The following MTMR14 variants were observed in gnomAD, a reference collection of about 807,000 sequenced individuals.
MTMR14 encodes the protein phosphatidylinositol-3,5-bisphosphate 3-phosphatase MTMR14.
MTMR14 carries 48 observed loss-of-function variants against 86.3 expected under a neutral mutation model. That is an observed-to-expected ratio of 0.56 (90% CI 0.44 to 0.71). MTMR14 has a LOEUF of 0.71. MTMR14 is among the 30% of genes least tolerant of loss of function. MTMR14 has a pLI of 0.00. For synonymous variants in MTMR14, 366 were observed against 326.1 expected (o/e 1.12, Z -1.32); for missense variants, 780 against 834.6 (o/e 0.93, Z 0.81).
At chr3:9,666,635 C>T (rs140179330) in intron 3 of MTMR14, among the ~76,000 whole-genome samples, 3 of 152,342 alleles carry the variant, frequency 2.0e-5, no homozygotes, top group African/African-American at 7.2e-5. Context: ...AGTAAGTTCT[C>T]ATACCATTTT....
In MTMR14 at chr3:9,701,875, C is replaced by A. The variant is rs200002439; in HGVS notation, c.1855C>A (p.Arg619=). 2 of 1,614,030 alleles carry A rather than the reference C, an allele frequency of 1.2e-6. No individual in the cohort carries two copies. The highest frequency in any genetic ancestry group is 2.2e-5 in the South Asian group (2 of 91,088). ...TGCGTACAGCAGCACAGTGGGGCTTCGGGCAGTAGCCCCCAGTCCTTCCGG... is the reference window on the plus strand; with the variant it reads ...TGCGTACAGCAGCACAGTGGGGCTTAGGGCAGTAGCCCCCAGTCCTTCCGG... ...LAAYSSTVGL[R]AVAPSPSGAI... Residue 619 remains arginine (R), a synonymous_variant, in exon 19 of 19, where the codon CGG becomes AGG. Transcript: ENST00000296003. This position sits in a 1 kb window ranked among gnomAD's most constrained non-coding sequence, Gnocchi z 4.2.
chr3:9,687,687 C>A, intron 13 of MTMR14, 134 bp from the exon 14 acceptor site: 1 of 737,794 alleles, frequency 1.4e-6, no homozygotes, highest in Non-Finnish European at 2.4e-6. Context: ...CATTTATGGA[C>A]CAGAACACCC....
At chr3:9,692,035 C>T (rs2076153670) in intron 17 of MTMR14, among the ~76,000 whole-genome samples, 1 of 152,138 alleles carries the variant, frequency 6.6e-6, no homozygotes, top group Non-Finnish European at 1.5e-5. Context: ...TATGTATTTC[C>T]ATTACCATTA....
chr3:9,685,299 C>T, intron 13 of MTMR14, 52 bp downstream of exon 13: 2 of 1,605,916 alleles, frequency 1.2e-6, no homozygotes, highest in Non-Finnish European at 1.7e-6. Context: ...GAAAGAGGGG[C>T]AGTGGGTAGC....
chr3:9,702,329 T>A lies in MTMR14; in HGVS notation c.*356T>A. The A allele has an allele frequency of 2.6e-6, 1 of 387,396 alleles. No individual in the cohort carries two copies. Among genetic ancestry groups the A allele is most frequent in the Non-Finnish European group, 4.9e-6 (1 of 203,266 alleles). 24.0% of individuals were successfully genotyped at this position (387,396 alleles called of 1,614,324 possible). Reference sequence around the variant, plus strand: ...TTGTTTCTGGGGAGGAGGGATCACCTGCACTGAGAATGAGGCAGTTTGACA... The same window carrying A: ...TTGTTTCTGGGGAGGAGGGATCACCAGCACTGAGAATGAGGCAGTTTGACA... On this transcript the variant is annotated 3_prime_UTR_variant, in exon 19 of 19. Transcript: ENST00000296003.
chr3:9,701,894 C>A lies in MTMR14; in HGVS notation c.1874C>A (p.Pro625His). ...GGGCTTCGGGCAGTAGCCCCCAGTCCTTCCGGTGCCATCGGGGGCCTGCTG... is the reference window on the plus strand; with the variant it reads ...GGGCTTCGGGCAGTAGCCCCCAGTCATTCCGGTGCCATCGGGGGCCTGCTG... ...TVGLRAVAPS[P>H]SGAIGGLLEQ... is the part of the protein sequence containing the mutation. The change falls in exon 19 of 19, where the codon CCT becomes CAT. Residue 625 changes from proline to histidine, a missense_variant. By Grantham distance (77) the Pro-to-His change is moderately conservative. Coordinates refer to ENST00000296003, the MANE Select transcript of MTMR14 (RefSeq NM_001077525.3). The surrounding 1 kb of genome is among the most constrained non-coding windows in gnomAD (Gnocchi z 4.2). The A allele has an allele frequency of 6.2e-7, 1 of 1,614,202 alleles. No individual in the cohort carries two copies. Among genetic ancestry groups the A allele is most frequent in the Non-Finnish European group, 8.5e-7 (1 of 1,180,052 alleles).
intron 9 of MTMR14, among the ~76,000 whole-genome samples, chr3:9,681,275 C>G (rs1358652819): frequency 6.6e-6 from 1 of 152,182 alleles, no homozygotes; most frequent in Non-Finnish European, 1.5e-5. Flanking sequence ...AGGTATGCCC[C>G]TTCTTTCTGT....
intron 17 of MTMR14, among the ~76,000 whole-genome samples, chr3:9,695,706 T>A (rs769249298): frequency 5.9e-5 from 9 of 152,218 alleles, no homozygotes; most frequent in Non-Finnish European, 1.2e-4. Context: ...CAGCTGTGCC[T>A]CAACCTAGTC....
intron 13 of MTMR14, 82 bp downstream of exon 13, chr3:9,685,329 TA>T: frequency 6.5e-7 from 1 of 1,539,608 alleles, no homozygotes; most frequent in Non-Finnish European, 9.0e-7. Flanking sequence ...TTCCACGTGT[TA>T]GGGGCAGCTC....
intron 1 of MTMR14, chr3:9,650,398 G>A: frequency 2.2e-6 from 1 of 456,258 alleles, no homozygotes; most frequent in East Asian, 7.0e-5. Context: ...CTGGCTGGCA[G>A]TGCGGTGGGA....
Position 9,701,386 on chromosome 3 carries a change from A to G in MTMR14, c.1770-404A>G. On this transcript the variant is annotated intron_variant, in intron 18 of 18. Coordinates refer to ENST00000296003, the MANE Select transcript of MTMR14 (RefSeq NM_001077525.3). This position sits in a 1 kb window ranked among gnomAD's most constrained non-coding sequence, Gnocchi z 4.2. ...TTGAGACCAGCCTGGGCAACATGGTAAAACCCTATCATGGTGGCATGTGCC... is the reference window on the plus strand; with the variant it reads ...TTGAGACCAGCCTGGGCAACATGGTGAAACCCTATCATGGTGGCATGTGCC... 3.3e-6 allele frequency: 1 copy of G among 301,276 alleles called. No individual in the cohort carries two copies. The highest frequency in any genetic ancestry group is 6.4e-6 in the Non-Finnish European group (1 of 155,046). 18.7% of individuals were successfully genotyped at this position (301,276 alleles called of 1,614,324 possible). A position where few individuals can be genotyped will look rare whatever the true frequency, so the allele number is the denominator to read the frequency against.
rs1438049760 is a variant in MTMR14 at position 9,685,229 on chromosome 3, G to A, written c.1146G>A (p.Arg382=). ...TTTTCAGGCACATGTTGGTAGATCG[G>A]CTCAGCAAAGGGGAGGAGGTGAGTA... ...WFLFGHMLVD[R]LSKGEEIFFF... The change falls in exon 13 of 19, where the codon CGG becomes CGA. Residue 382 remains arginine, a synonymous_variant. Transcript: ENST00000296003. 1 of 1,614,072 alleles carries A rather than the reference G, an allele frequency of 6.2e-7. No homozygotes were observed. The highest frequency in any genetic ancestry group is 8.5e-7 in the Non-Finnish European group (1 of 1,179,998).
At position 9,684,877 on chromosome 3, in the gene MTMR14, G is replaced by C; in HGVS notation, c.1051-11G>C. 1 of 1,613,874 alleles carries C rather than the reference G, an allele frequency of 6.2e-7. No homozygotes were observed. The highest frequency in any genetic ancestry group is 1.1e-5 in the South Asian group (1 of 91,074). On this transcript the variant is annotated splice_polypyrimidine_tract_variant and intron_variant, in intron 11 of 18. Transcript: ENST00000296003. ...AGAGGGCTCTGTCACATCTCCTGTG[G>C]TCTCTTCCAGGATGGGCTCATCCAC... is the stretch of plus-strand genomic sequence containing the variant.
At chr3:9,682,933 G>GCCCC (rs879461070) in intron 9 of MTMR14, among the ~76,000 whole-genome samples, 2 of 142,136 alleles carry the variant, frequency 1.4e-5, no homozygotes, top group African/African-American at 2.7e-5. Context: ...TTGGGTCAGA[G>GCCCC]CCCCCCCCCC....
At chr3:9,692,546 C>T (rs997034779) in intron 17 of MTMR14, among the ~76,000 whole-genome samples, 1 of 152,268 alleles carries the variant, frequency 6.6e-6, no homozygotes, top group Non-Finnish European at 1.5e-5. Context: ...ATGCCTCCCC[C>T]AGCTCTGGTT....
intron 17 of MTMR14, among the ~76,000 whole-genome samples, chr3:9,691,989 G>A (rs2076152591): frequency 6.6e-6 from 1 of 152,158 alleles, no homozygotes; most frequent in Admixed American, 6.5e-5. Flanking sequence ...CAGAGGTTTT[G>A]AAAGTCTAGA....
Position 9,671,100 on chromosome 3 carries a change from C to G in MTMR14, c.607C>G (p.Leu203Val). The G allele has an allele frequency of 3.1e-6, 5 of 1,614,176 alleles. No individual in the cohort carries two copies. The highest frequency in any genetic ancestry group is 1.1e-5 in the South Asian group (1 of 91,086). Reference sequence around the variant, plus strand: ...GGTCAGAGGCTATGACATCAAGCTGCTTCGATACCTGTCAGTCAAATACAT... The same window carrying G: ...GGTCAGAGGCTATGACATCAAGCTGGTTCGATACCTGTCAGTCAAATACAT... Reference protein sequence around the residue: ...DKVRGYDIKLLRYLSVKYICD... With the variant: ...DKVRGYDIKLVRYLSVKYICD... Residue 203 changes from leucine (L) to valine (V), a missense_variant, in exon 6 of 19, where the codon CTT becomes GTT. Leu to Val is a conservative substitution (Grantham distance 32). Coordinates refer to ENST00000296003, the MANE Select transcript of MTMR14 (RefSeq NM_001077525.3).
intron 10 of MTMR14, 121 bp from the exon 11 acceptor site, chr3:9,684,464 T>A: frequency 2.2e-6 from 2 of 908,142 alleles, no homozygotes; most frequent in Non-Finnish European, 3.7e-6. Context: ...GGGAGGCCAC[T>A]GGGGAAGACA....
At chr3:9,694,778 A>G (rs1378128873) in intron 17 of MTMR14, among the ~76,000 whole-genome samples, 2 of 152,168 alleles carry the variant, frequency 1.3e-5, no homozygotes, top group East Asian at 1.9e-4. Context: ...CCTTCCAGAA[A>G]GGACTAGCTA....
Sources: allele counts gnomAD v4.1 joint callset (sites outside exome capture counted in the v4.1 genomes callset), GRCh38; gene constraint gnomAD v4.1.1; non-coding constraint Gnocchi (gnomAD v3.1); transcripts MANE v1.5; gene names NCBI Gene and HGNC (gene_info 2026-07-23, HGNC 2026-07-21).